The following WWOX variants were observed in gnomAD, a reference collection of about 807,000 sequenced individuals.
WWOX encodes the protein WW domain containing oxidoreductase, also known as WW domain-containing oxidoreductase.
In WWOX, 69 loss-of-function variants were observed where a neutral mutation model predicts 46.2. The ratio of observed to expected loss-of-function variants is 1.49; its 90% confidence interval spans 1.23 to 1.82. The LOEUF is 1.82. WWOX is among the 40% of genes most tolerant of loss of function. WWOX has a pLI of 0.00. For missense variants in WWOX, 919 were observed against 542.6 expected (o/e 1.69, Z -6.89); for synonymous variants, 359 against 202.6 (o/e 1.77, Z -6.56).
chr16:78,354,772 G>C (rs1281151863), intron 5 of WWOX, among the ~76,000 whole-genome samples: 1 of 151,560 alleles, frequency 6.6e-6, no homozygotes, highest in African/African-American at 2.4e-5. Flanking sequence ...CATGTTTTTG[G>C]GTTTTTCTAG....
intron 8 of WWOX, among the ~76,000 whole-genome samples, chr16:78,709,493 G>C (rs79641558): frequency 6.6e-6 from 1 of 152,134 alleles, no homozygotes; most frequent in Non-Finnish European, 1.5e-5. Context: ...GTTCATCTCT[G>C]ACACAGGCCC....
At chr16:78,440,371 C>T (rs920029664) in intron 8 of WWOX, among the ~76,000 whole-genome samples, 3 of 152,086 alleles carry the variant, frequency 2.0e-5, no homozygotes, top group Non-Finnish European at 4.4e-5. Flanking sequence ...TACTCCTCCT[C>T]CACTCTTAAT....
chr16:78,565,538 C>G (rs1403890517), intron 8 of WWOX, among the ~76,000 whole-genome samples: 1 of 152,186 alleles, frequency 6.6e-6, no homozygotes. Flanking sequence ...CTTATAAGGA[C>G]CCTTTTGATT....
At chr16:78,545,287 A>G (rs575649909) in intron 8 of WWOX, among the ~76,000 whole-genome samples, 4 of 152,166 alleles carry the variant, frequency 2.6e-5, no homozygotes, top group East Asian at 1.9e-4. Context: ...ATTGGTTCTA[A>G]TCTCTGCTTC....
intron 8 of WWOX, among the ~76,000 whole-genome samples, chr16:78,568,200 A>G (rs2044621848): frequency 6.6e-6 from 1 of 152,158 alleles, no homozygotes; most frequent in Admixed American, 6.5e-5. Context: ...ACTCTTCTGA[A>G]CAACATCGGC....
At chr16:78,163,896 G>C (rs2034879920) in intron 4 of WWOX, among the ~76,000 whole-genome samples, 1 of 152,166 alleles carries the variant, frequency 6.6e-6, no homozygotes, top group East Asian at 1.9e-4. Flanking sequence ...CACCATCACA[G>C]TGTTGACAGT....
intron 8 of WWOX, among the ~76,000 whole-genome samples, chr16:78,807,232 C>G (rs200234745): frequency 2.6e-5 from 4 of 152,124 alleles, no homozygotes; most frequent in Non-Finnish European, 4.4e-5. Flanking sequence ...TCCACTGAGT[C>G]GCAACATGCC....
intron 8 of WWOX, among the ~76,000 whole-genome samples, chr16:78,487,863 A>G (rs1013587245): frequency 1.3e-5 from 2 of 152,224 alleles, no homozygotes; most frequent in South Asian, 2.1e-4. Context: ...CAACACTAGG[A>G]TAGGGCATAA....
At chr16:79,065,788 C>G (rs2048430292) in intron 8 of WWOX, among the ~76,000 whole-genome samples, 1 of 152,130 alleles carries the variant, frequency 6.6e-6, no homozygotes, top group African/African-American at 2.4e-5. Flanking sequence ...GTTACTTTGC[C>G]CTATGCCCAG....
intron 5 of WWOX, chr16:78,166,826 G>C (rs2034991335): frequency 1.3e-5 from 2 of 152,236 alleles, no homozygotes; most frequent in South Asian, 2.1e-4. Flanking sequence ...CAAAGTGCTG[G>C]GATTACAGGC....
chr16:78,256,626 A>C (rs1416754462), intron 5 of WWOX, among the ~76,000 whole-genome samples: 4 of 151,944 alleles, frequency 2.6e-5, no homozygotes, highest in African/African-American at 9.7e-5. Context: ...AATGGGAAGA[A>C]TAGTGTCTGC....
At chr16:78,609,875 C>G (rs547317840) in intron 8 of WWOX, among the ~76,000 whole-genome samples, 2 of 152,250 alleles carry the variant, frequency 1.3e-5, no homozygotes, top group East Asian at 3.9e-4. Flanking sequence ...TCAACCTTTT[C>G]TTGCTTTAGT....
At chr16:78,289,803 A>G (rs1056769723) in intron 5 of WWOX, among the ~76,000 whole-genome samples, 2 of 152,194 alleles carry the variant, frequency 1.3e-5, no homozygotes, top group Admixed American at 1.3e-4. Flanking sequence ...ATAAAATAAT[A>G]TGGGCTGTAG....
chr16:79,151,288 A>G (rs1362395634), intron 8 of WWOX, among the ~76,000 whole-genome samples: 2 of 152,202 alleles, frequency 1.3e-5, no homozygotes, highest in African/African-American at 2.4e-5. Context: ...CTTTCCAAGT[A>G]AAGGCGTTAT....
chr16:79,125,946 G>A (rs566810759), intron 8 of WWOX, among the ~76,000 whole-genome samples: 1 of 152,166 alleles, frequency 6.6e-6, no homozygotes, highest in Non-Finnish European at 1.5e-5. Flanking sequence ...GTGAGTGCAG[G>A]AATCCGGCTG....
chr16:78,592,625 G>A (rs2045377996), intron 8 of WWOX, among the ~76,000 whole-genome samples: 2 of 152,186 alleles, frequency 1.3e-5, no homozygotes, highest in African/African-American at 4.8e-5. Flanking sequence ...GGAAGACAAG[G>A]CCTGGCATAT....
intron 5 of WWOX, among the ~76,000 whole-genome samples, chr16:78,311,650 A>G (rs529891096): frequency 6.6e-6 from 1 of 152,338 alleles, no homozygotes; most frequent in East Asian, 1.9e-4. Flanking sequence ...TCTAGTGGTA[A>G]TGGCTGTAGG....
intron 8 of WWOX, among the ~76,000 whole-genome samples, chr16:78,435,191 T>C (rs2083306680): frequency 6.6e-6 from 1 of 152,088 alleles, no homozygotes; most frequent in Admixed American, 6.5e-5. Context: ...GCAGAGGGAC[T>C]ACCATGTCGG....
intron 8 of WWOX, among the ~76,000 whole-genome samples, chr16:79,147,748 GTGT>G (rs1567582025): frequency 6.6e-6 from 1 of 152,118 alleles, no homozygotes; most frequent in East Asian, 1.9e-4. Flanking sequence ...GCATTTGGTG[GTGT>G]TGCAGTTTTT....
Sources: gnomAD v4.1 joint callset for allele counts (sites outside exome capture counted in the v4.1 genomes callset) on GRCh38, gnomAD v4.1.1 for gene constraint, MANE v1.5 for transcripts, NCBI Gene and HGNC (gene_info 2026-07-23, HGNC 2026-07-21) for gene names.